Variants in DCAKD observed in about 807,000 individuals in gnomAD.
DCAKD encodes the protein dephospho-CoA kinase domain containing.
Under a neutral mutation model 18.7 loss-of-function variants are expected in DCAKD, and 15 were observed. That is an observed-to-expected ratio of 0.80 (90% CI 0.54 to 1.24). DCAKD has a LOEUF of 1.24. DCAKD is among the 50% of genes most tolerant of loss of function. The pLI is 0.00. For missense variants in DCAKD, 301 were observed against 322.0 expected (o/e 0.93, Z 0.50); for synonymous variants, 130 against 133.0 (o/e 0.98, Z 0.16).
At chr17:45,040,744 G>A (rs1382906001) in intron 1 of DCAKD, among the ~76,000 whole-genome samples, 1 of 152,190 alleles carries the variant, frequency 6.6e-6, no homozygotes, top group Non-Finnish European at 1.5e-5. Context: ...TTGGGTTAGA[G>A]CTGGTGCCTG....
chr17:45,058,300 G>A (rs1278257354), intron 1 of DCAKD, among the ~76,000 whole-genome samples: 3 of 152,134 alleles, frequency 2.0e-5, no homozygotes, highest in Admixed American at 2.0e-4. Flanking sequence ...AGGCGACAGA[G>A]CGAGACAGTC....
At chr17:45,037,767 CTTTT>C (rs1379583192) in intron 1 of DCAKD, among the ~76,000 whole-genome samples, 4 of 110,892 alleles carry the variant, frequency 3.6e-5, no homozygotes, top group Non-Finnish European at 7.8e-5. Flanking sequence ...GCTTCAAGAG[CTTTT>C]TTTTTTTTTT....
chr17:45,036,211 G>A (rs1029193059), intron 1 of DCAKD, among the ~76,000 whole-genome samples: 1 of 152,170 alleles, frequency 6.6e-6, no homozygotes, highest in Non-Finnish European at 1.5e-5. Context: ...CATAAAATGA[G>A]GTTTAGGATC....
upstream of DCAKD, chr17:45,054,234 C>A: frequency 2.1e-6 from 1 of 475,294 alleles, no homozygotes; most frequent in Non-Finnish European, 4.2e-6. Context: ...AACTCACTGC[C>A]ACTCAAGACA....
intron 1 of DCAKD, among the ~76,000 whole-genome samples, chr17:45,045,731 CAAA>C (rs759264562): frequency 4.3e-5 from 3 of 70,566 alleles, no homozygotes; most frequent in Admixed American, 1.5e-4. Flanking sequence ...GACTCTGTCT[CAAA>C]AAAAAAAAAA....
intron 1 of DCAKD, among the ~76,000 whole-genome samples, chr17:45,058,850 G>A (rs193080001): frequency 6.6e-6 from 1 of 152,310 alleles, no homozygotes; most frequent in East Asian, 1.9e-4. Context: ...GACTGAGTGG[G>A]CATCTTTGAC....
At chr17:45,038,843 G>GACAA (rs1217834456) in intron 1 of DCAKD, among the ~76,000 whole-genome samples, 2 of 150,520 alleles carry the variant, frequency 1.3e-5, no homozygotes, top group African/African-American at 5.0e-5. Flanking sequence ...AAAGGGCCTT[G>GACAA]ACAAATAACA....
At position 45,034,325 on chromosome 17, in the gene DCAKD, C is replaced by T; in HGVS notation, c.178G>A (p.Glu60Lys). Residue 60 changes from glutamate (E) to lysine (K), a missense_variant, in exon 3 of 5, where the codon GAG becomes AAG. Coordinates refer to ENST00000651974, the MANE Select transcript of DCAKD (RefSeq NM_001288655.2). ...VEVFGTEVLL[E>K]NGDINRKVLG... ...ACCTTGCGATTTATGTCGCCGTTCT[C>T]CAGCAAGACCTCAGTGCCGAAGACC... is the stretch of plus-strand genomic sequence containing the variant. 1 of 1,614,090 alleles carries T rather than the reference C, an allele frequency of 6.2e-7. No individual in the cohort carries two copies. Among genetic ancestry groups the T allele is most frequent in the Non-Finnish European group, 8.5e-7 (1 of 1,180,028 alleles).
chr17:45,050,376 G>C (rs2053666356), intron 1 of DCAKD, among the ~76,000 whole-genome samples: 1 of 152,080 alleles, frequency 6.6e-6, no homozygotes, highest in South Asian at 2.1e-4. Context: ...AGCTAAGTTC[G>C]TGGCTTGCCT....
chr17:45,031,768 A>G, intron 3 of DCAKD: 1 of 985,408 alleles, frequency 1.0e-6, no homozygotes, highest in Non-Finnish European at 1.2e-6. Context: ...CTCCTGTCTG[A>G]TAAGCTCTGC....
chr17:45,025,009 CT>C (rs747194341), intron 4 of DCAKD, among the ~76,000 whole-genome samples: 25,108 of 113,060 alleles, frequency 0.22, 2,331 homozygotes, highest in African/African-American at 0.34. Flanking sequence ...GGCCACAGCT[CT>C]TTTTTTTTTT....
At chr17:45,047,704 C>T (rs1469878001) in intron 1 of DCAKD, among the ~76,000 whole-genome samples, 1 of 152,032 alleles carries the variant, frequency 6.6e-6, no homozygotes, top group Non-Finnish European at 1.5e-5. Context: ...GGGGTTTCGG[C>T]ATGTTGGTCA....
At chr17:45,028,772 T>A (rs2053112086) in intron 4 of DCAKD, among the ~76,000 whole-genome samples, 1 of 151,234 alleles carries the variant, frequency 6.6e-6, no homozygotes, top group South Asian at 2.1e-4. Flanking sequence ...TGGTGCAATC[T>A]CTGCTCACTG....
At chr17:45,034,737 G>C (rs1219320703) in intron 2 of DCAKD, 37 bp downstream of exon 2, 4 of 1,602,290 alleles carry the variant, frequency 2.5e-6, no homozygotes, top group Non-Finnish European at 3.4e-6. Context: ...GTGGGGAGCT[G>C]CTGTGCACGG....
At position 45,030,191 on chromosome 17, in the gene DCAKD, T is replaced by C. The variant is rs201327450; in HGVS notation, c.317-12A>G. 210 of 1,612,284 alleles carry C rather than the reference T, an allele frequency of 1.3e-4. 1 individual carries two copies. In the South Asian group the frequency reaches 1.5e-3, roughly 12 times the overall value. ...CACGTAGCGGTATCCTGGGGAGAGG[T>C]TGGAAATCCCCCAAGTTCAATTCTG... On this transcript the variant is annotated splice_polypyrimidine_tract_variant and intron_variant, in intron 3 of 4. Transcript: ENST00000651974.
At chr17:45,049,544 C>G (rs1252217175) in intron 1 of DCAKD, among the ~76,000 whole-genome samples, 1 of 150,360 alleles carries the variant, frequency 6.7e-6, no homozygotes, top group African/African-American at 2.5e-5. Context: ...TATATTTAGA[C>G]TTCACTGCAG....
At chr17:45,053,041 T>G (rs2053738322), upstream of DCAKD, among the ~76,000 whole-genome samples, 1 of 150,142 alleles carries the variant, frequency 6.7e-6, no homozygotes, top group Non-Finnish European at 1.5e-5. Flanking sequence ...TGAATGCCTG[T>G]AATCCCAGCT....
chr17:45,033,451 C>G (rs1364004108), intron 3 of DCAKD, among the ~76,000 whole-genome samples: 7 of 152,118 alleles, frequency 4.6e-5, no homozygotes, highest in Non-Finnish European at 1.0e-4. Flanking sequence ...GTCTTCCTAA[C>G]ATGCTCACGT....
intron 4 of DCAKD, among the ~76,000 whole-genome samples, chr17:45,027,092 C>T (rs1224570339): frequency 5.3e-5 from 8 of 152,174 alleles, no homozygotes; most frequent in Admixed American, 4.6e-4. Context: ...CCTATAATCC[C>T]AGCACTTTAG....
Sources: gnomAD v4.1 joint callset for allele counts (sites outside exome capture counted in the v4.1 genomes callset) on GRCh38, gnomAD v4.1.1 for gene constraint, MANE v1.5 for transcripts, NCBI Gene and HGNC (gene_info 2026-07-23, HGNC 2026-07-21) for gene names.